KIF21B: variants seen among roughly 807,000 people sequenced by gnomAD.
KIF21B encodes the protein kinesin-like protein KIF21B.
KIF21B carries 85 observed loss-of-function variants against 192.9 expected under a neutral mutation model. That is an observed-to-expected ratio of 0.44 (90% confidence interval 0.37 to 0.53). KIF21B has a LOEUF of 0.53. Among genes scored for constraint, KIF21B ranks in the 20% least tolerant of loss-of-function variants. The pLI is 0.00. For synonymous variants in KIF21B, 832 were observed against 884.6 expected (o/e 0.94, Z 1.05); for missense variants, 1,716 against 2,194.8 (o/e 0.78, Z 4.36).
At chr1:201,003,871 A>G (rs1434858108) in intron 7 of KIF21B, 90 bp from the exon 8 acceptor site, 3 of 1,320,266 alleles carry the variant, frequency 2.3e-6, no homozygotes, top group East Asian at 4.6e-5. Context: ...CTCCCATCCC[A>G]TTCCCCCACT....
chr1:200,984,761 T>C (rs1656176516), intron 27 of KIF21B, 98 bp downstream of exon 27: 3 of 810,872 alleles, frequency 3.7e-6, no homozygotes, highest in Non-Finnish European at 5.6e-6. Flanking sequence ...AGGCTGGGGT[T>C]GGCTTGGCCA....
rs1452312721 is a variant in KIF21B at position 200,990,320 on chromosome 1, G to A, written c.2848C>T (p.Leu950=). 1.2e-6 allele frequency: 2 copies of A among 1,610,116 alleles called. No homozygotes were observed. The highest frequency in any genetic ancestry group is 1.7e-6 in the Non-Finnish European group (2 of 1,178,530). The change falls in exon 20 of 35, where the codon CTG becomes TTG. Residue 950 remains leucine, a synonymous_variant. Coordinates refer to ENST00000461742, the MANE Select transcript of KIF21B (RefSeq NM_001252102.2). The surrounding 1 kb of genome is among the most constrained non-coding windows in gnomAD (Gnocchi z 5.4). ...CGCAGTGCCTCCTGCAGGAGGAACA[G>A]CTCCTCCCTTTTCTGGGGTCAGAGG... The part of the protein sequence containing the change: ...MERLIKKREE[L]FLLQEALRRK...
intron 4 of KIF21B, 44 bp from the exon 5 acceptor site, chr1:201,005,486 C>A: frequency 6.3e-7 from 1 of 1,594,484 alleles, no homozygotes; most frequent in Non-Finnish European, 8.6e-7. Flanking sequence ...TACCGTGGTG[C>A]CAGCCCCTGC....
At chr1:200,993,707 G>T (rs780710012) in intron 15 of KIF21B, among the ~76,000 whole-genome samples, 2 of 150,286 alleles carry the variant, frequency 1.3e-5, no homozygotes, top group Non-Finnish European at 3.0e-5. Context: ...CTGTGTTAGC[G>T]CCACTGCACT....
At position 200,996,219 on chromosome 1, in the gene KIF21B, C is replaced by T; in HGVS notation, c.2254G>A (p.Val752Met). 2 of 1,613,470 alleles carry T rather than the reference C, an allele frequency of 1.2e-6. No individual in the cohort carries two copies. Among genetic ancestry groups the T allele is most frequent in the Non-Finnish European group, 1.7e-6 (2 of 1,180,046 alleles). The change falls in exon 15 of 35, where the codon GTG becomes ATG. Residue 752 changes from valine to methionine, a missense_variant. Coordinates refer to ENST00000461742, the MANE Select transcript of KIF21B (RefSeq NM_001252102.2). ...ERELKKLQAE[V>M]AEMKKAKVAL... ...ACCTTGGCCTTCTTCATCTCAGCCA[C>T]CTCGGCCTGTAGCTTCTTCAGCTCC...
intron 15 of KIF21B, among the ~76,000 whole-genome samples, chr1:200,994,909 C>A (rs896396178): frequency 6.6e-6 from 1 of 152,246 alleles, no homozygotes; most frequent in East Asian, 1.9e-4. Flanking sequence ...TGAGTCCACA[C>A]TTGAGTCTCA....
chr1:200,977,566 A>G (rs1430250759), intron 30 of KIF21B, among the ~76,000 whole-genome samples, 190 bp from the exon 31 acceptor site: 1 of 152,156 alleles, frequency 6.6e-6, no homozygotes, highest in Non-Finnish European at 1.5e-5. Flanking sequence ...CTAGTCCCCT[A>G]TGAGTCAACT....
At chr1:200,985,399 G>A (rs781183754) in intron 26 of KIF21B, among the ~76,000 whole-genome samples, 13 of 152,130 alleles carry the variant, frequency 8.5e-5, no homozygotes, top group Non-Finnish European at 1.5e-4. Flanking sequence ...AAGGTGGGAG[G>A]ATCGCTTGAG....
rs1466490407 is a variant in KIF21B, at chr1:200,973,442, C to T, written c.*79G>A. 11 of 1,374,664 alleles carry T rather than the reference C, an allele frequency of 8.0e-6. No homozygotes were observed. The East Asian group carries it at 1.5e-4, about 19-fold the overall frequency. 85.2% of individuals were successfully genotyped at this position (1,374,664 alleles called of 1,614,324 possible). ...CTGTCCCCAGAGCAGCTGGCCCCAT[C>T]GGCCGGGTCACAGCTTCCCTTCCAT... is the stretch of plus-strand genomic sequence containing the variant. On this transcript the variant is annotated 3_prime_UTR_variant, in exon 35 of 35. Transcript: ENST00000461742.
chr1:200,991,180 G>A (rs779545837), intron 17 of KIF21B, 31 bp from the exon 18 acceptor site: 2 of 1,575,960 alleles, frequency 1.3e-6, no homozygotes, highest in Non-Finnish European at 8.7e-7. Context: ...GAGGGAGCCG[G>A]TGAGCAGGGT....
rs145377208 is a variant in KIF21B at position 200,981,016 on chromosome 1, G to T, written c.3923C>A (p.Thr1308Asn). 493 of 1,611,324 alleles carry T rather than the reference G, an allele frequency of 3.1e-4. No homozygotes were observed. The highest frequency in any genetic ancestry group is 4.0e-4 in the Non-Finnish European group (475 of 1,178,938). Residue 1308 changes from threonine to asparagine, a missense_variant, in exon 29 of 35, where the codon ACC (threonine) becomes AAC (asparagine). Physicochemically the swap from Thr to Asn is moderately conservative, Grantham distance 65. Transcript: ENST00000461742. Reference sequence around the variant, plus strand: ...GGCATCCAGGCAGAGGATGGGCTTGGTGTGGCCTTCGGCCATGGAGACACA... The same window carrying T: ...GGCATCCAGGCAGAGGATGGGCTTGTTGTGGCCTTCGGCCATGGAGACACA... Reference protein sequence around the residue: ...LQCVSMAEGHTKPILCLDATD... With the variant: ...LQCVSMAEGHNKPILCLDATD...
At chr1:200,987,503 C>CA (rs1313106779) in intron 24 of KIF21B, among the ~76,000 whole-genome samples, 1 of 152,164 alleles carries the variant, frequency 6.6e-6, no homozygotes, top group African/African-American at 2.4e-5. Flanking sequence ...CTCAGACTCC[C>CA]AAAGTGCTGG....
At position 200,982,915 on chromosome 1, in the gene KIF21B, G is replaced by C. The variant is rs1277536838; in HGVS notation, c.3842+141C>G. The C allele has an allele frequency of 6.6e-6, 5 of 754,988 alleles. No homozygotes were observed. Among genetic ancestry groups the C allele is most frequent in the East Asian group, 2.7e-5 (1 of 37,170 alleles). The allele number at this position is 754,988 out of a possible 1,614,324, so 46.8% of individuals were successfully genotyped here. The stretch of plus-strand genomic sequence containing the variant: ...ATGGGGGCAGGAACAGGTCTGGAGA[G>C]GGGGGCAGCAGGAAGGGGAGTGGAG... On this transcript the variant is annotated intron_variant, in intron 28 of 34. Transcript: ENST00000461742. The surrounding 1 kb of genome is among the most constrained non-coding windows in gnomAD (Gnocchi z 4.7).
intron 8 of KIF21B, chr1:201,003,129 C>T: frequency 5.7e-6 from 1 of 176,336 alleles, no homozygotes; most frequent in East Asian, 1.5e-4. Flanking sequence ...CCATGAGGCC[C>T]TCTCTGACCA....
At chr1:201,008,028 G>T (rs1005588847) in intron 3 of KIF21B, among the ~76,000 whole-genome samples, 1 of 152,236 alleles carries the variant, frequency 6.6e-6, no homozygotes, top group Non-Finnish European at 1.5e-5. Flanking sequence ...GTAGGCAGGG[G>T]CTGGGGTTGG....
rs1215452108 is a variant in KIF21B at position 200,998,454 on chromosome 1, T to C, written c.2007A>G (p.Glu669=). The change falls in exon 14 of 35, where the codon GAA becomes GAG. Residue 669 remains glutamate (E), a synonymous_variant. Transcript: ENST00000461742. This position sits in a 1 kb window ranked among gnomAD's most constrained non-coding sequence, Gnocchi z 4.3. ...RLQTLKHQYE[E]KLILLQNKIR... ...TCTTGTTCTGCAGCAGAATCAGCTT[T>C]TCCTCATACTGGTGCTTGAGCGTCT... 1 of 1,613,962 alleles carries C rather than the reference T, an allele frequency of 6.2e-7. No individual in the cohort carries two copies. Among genetic ancestry groups the C allele is most frequent in the Non-Finnish European group, 8.5e-7 (1 of 1,180,028 alleles).
rs896538016 is a variant in KIF21B at position 201,000,329 on chromosome 1, C to A, written c.1685+61G>T. On this transcript the variant is annotated intron_variant, in intron 11 of 34. Coordinates refer to ENST00000461742, the MANE Select transcript of KIF21B (RefSeq NM_001252102.2). This position sits in a 1 kb window ranked among gnomAD's most constrained non-coding sequence, Gnocchi z 6.0. ...GGTGGGCAGCAGTCCTCCTTGGGGA[C>A]GGGCAGGGTCCACTGGGGCGGTCTG... 10 of 1,461,002 alleles carry A rather than the reference C, an allele frequency of 6.8e-6. No individual in the cohort carries two copies. Among genetic ancestry groups the A allele is most frequent in the Non-Finnish European group, 7.3e-6 (8 of 1,094,886 alleles). 90.5% of individuals were successfully genotyped at this position (1,461,002 alleles called of 1,614,324 possible). A position where few individuals can be genotyped will look rare whatever the true frequency, so the allele number is the denominator to read the frequency against.
At position 201,000,290 on chromosome 1, in the gene KIF21B, C is replaced by T; in HGVS notation, c.1685+100G>A. On this transcript the variant is annotated intron_variant, in intron 11 of 34. Coordinates refer to ENST00000461742, the MANE Select transcript of KIF21B (RefSeq NM_001252102.2). The surrounding 1 kb of genome is among the most constrained non-coding windows in gnomAD (Gnocchi z 6.0). ...CCCTGGGGCTGGGGGCGTGGAGGTT[C>T]CCTCCTAAACACTGGTGGGCAGCAG... is the stretch of plus-strand genomic sequence containing the variant. The T allele has an allele frequency of 2.5e-6, 3 of 1,206,536 alleles. No homozygotes were observed. The highest frequency in any genetic ancestry group is 3.5e-6 in the Non-Finnish European group (3 of 866,486). 74.7% of individuals were successfully genotyped at this position (1,206,536 alleles called of 1,614,324 possible).
Position 200,979,705 on chromosome 1 carries a change from G to A in KIF21B, c.3990C>T (p.Cys1330=). 3.3e-6 allele frequency: 5 copies of A among 1,531,418 alleles called. No individual in the cohort carries two copies. Among genetic ancestry groups the A allele is most frequent in the Non-Finnish European group, 4.4e-6 (5 of 1,135,470 alleles). The allele number at this position is 1,531,418 out of a possible 1,614,324, so 94.9% of individuals were successfully genotyped here. A position where few individuals can be genotyped will look rare whatever the true frequency, so the allele number is the denominator to read the frequency against. ...LLFTGSKDRS[C]KMWNLVTGQE... is the part of the protein sequence containing the mutation. ...GTCCCGTAACCAAGTTCCACATCTT[G>A]CAGCTTCGGTCTGTGAGAGATGGGA... The change falls in exon 30 of 35, where the codon TGC becomes TGT. Residue 1330 remains cysteine, a synonymous_variant. Transcript: ENST00000461742.
Sources: allele counts gnomAD v4.1 joint callset (sites outside exome capture counted in the v4.1 genomes callset), GRCh38; gene constraint gnomAD v4.1.1; non-coding constraint Gnocchi (gnomAD v3.1); transcripts MANE v1.5; gene names NCBI Gene and HGNC (gene_info 2026-07-23, HGNC 2026-07-21).